Variants in DYNC2H1 observed in about 807,000 individuals in gnomAD.
DYNC2H1 encodes cytoplasmic dynein 2 heavy chain 1.
Under a neutral mutation model 570.0 loss-of-function variants are expected in DYNC2H1, and 410 were observed. The ratio of observed to expected loss-of-function variants is 0.72; its 90% CI spans 0.66 to 0.78. The LOEUF (loss-of-function observed/expected upper bound fraction) is 0.78, where lower values mean the gene tolerates loss of function less well. DYNC2H1 is among the 30% of genes least tolerant of loss of function. The probability of loss-of-function intolerance (pLI) is 0.00; values close to 1 mark genes in which losing one functional copy is unlikely to be tolerated. For missense variants in DYNC2H1, 4,865 were observed against 5,046.4 expected (o/e 0.96, Z 1.09); for synonymous variants, 1,688 against 1,677.6 (o/e 1.01, Z -0.15).
chr11:103,395,739 C>A lies in DYNC2H1; in HGVS notation c.12157-3924C>A, dbSNP rs1330960976. 6.6e-6 allele frequency among the ~76,000 whole-genome samples: 1 copy of A among 152,134 alleles called. No individual in the cohort carries two copies. The stretch of plus-strand genomic sequence containing the variant: ...TGTGGTCAAGAGAATGGAACGCTCT[C>A]ATTAGTTAAGCCCCAATTCAAGTTG... On this transcript the variant is annotated intron_variant, in intron 83 of 88. Transcript: ENST00000375735. The surrounding 1 kb of genome is among the most constrained non-coding windows in gnomAD (Gnocchi z 4.3).
chr11:103,163,171 C>T lies in DYNC2H1; in HGVS notation c.4611+24C>T. The T allele has an allele frequency of 6.2e-7, 1 of 1,601,636 alleles. No homozygotes were observed. Among genetic ancestry groups the T allele is most frequent in the Non-Finnish European group, 8.5e-7 (1 of 1,173,570 alleles). On this transcript the variant is annotated intron_variant, in intron 30 of 88. Coordinates refer to ENST00000375735, the MANE Select transcript of DYNC2H1 (RefSeq NM_001377.3). The surrounding 1 kb of genome is among the most constrained non-coding windows in gnomAD (Gnocchi z 4.6). ...AGGTAAGGGGGCTTACGTGTAGAAG[C>T]TACATAGGCATGGAACGTGGAAAGA...
chr11:103,181,662 G>A lies in DYNC2H1; in HGVS notation c.6348-95G>A, dbSNP rs539553697. On this transcript the variant is annotated intron_variant, in intron 39 of 88. Coordinates refer to ENST00000375735, the MANE Select transcript of DYNC2H1 (RefSeq NM_001377.3). This position sits in a 1 kb window ranked among gnomAD's most constrained non-coding sequence, Gnocchi z 5.0. The stretch of plus-strand genomic sequence containing the variant: ...TTTTGTATGCTAGCAGACAAAATAT[G>A]TGCGTAGAATAATGTTTATTGGAGA... The A allele has an allele frequency of 4.1e-5, 54 of 1,309,052 alleles. No homozygotes were observed. The African/African-American group carries it at 7.9e-4, about 19-fold the overall frequency. The allele number at this position is 1,309,052 out of a possible 1,614,324, so 81.1% of individuals were successfully genotyped here.
At chr11:103,246,518 C>G (rs940664786) in intron 65 of DYNC2H1, among the ~76,000 whole-genome samples, 14 of 152,086 alleles carry the variant, frequency 9.2e-5, no homozygotes, top group Admixed American at 3.3e-4. Context: ...GATTGGTTCA[C>G]ATTTTGAACT....
intron 19 of DYNC2H1, among the ~76,000 whole-genome samples, 189 bp downstream of exon 19, chr11:103,148,076 G>T (rs1165624545): frequency 6.6e-6 from 1 of 152,088 alleles, no homozygotes; most frequent in African/African-American, 2.4e-5. Context: ...TGCAGTCTGA[G>T]CTAGTATTAG....
At chr11:103,422,490 C>T (rs183688233) in intron 84 of DYNC2H1, among the ~76,000 whole-genome samples, 26 of 152,178 alleles carry the variant, frequency 1.7e-4, no homozygotes, top group Admixed American at 1.2e-3. Flanking sequence ...GCTTATCCAC[C>T]GTGATCAAGT....
intron 84 of DYNC2H1, among the ~76,000 whole-genome samples, chr11:103,412,431 C>T (rs1943125704): frequency 1.3e-5 from 2 of 152,092 alleles, no homozygotes; most frequent in African/African-American, 4.8e-5. Flanking sequence ...GACTTTAAAA[C>T]ATAATTTAAA....
chr11:103,132,649 G>T lies in DYNC2H1; in HGVS notation c.1954-906G>T, dbSNP rs540164293. On this transcript the variant is annotated intron_variant, in intron 13 of 88. Transcript: ENST00000375735. ...CAGTCTCTTTGCTGAGAGGGTTGGGGGTGTGTGTGTGTGTGTGTGTGTGTG... is the reference window on the plus strand; with the variant it reads ...CAGTCTCTTTGCTGAGAGGGTTGGGTGTGTGTGTGTGTGTGTGTGTGTGTG... Among the ~76,000 whole-genome samples the T allele has an allele frequency of 4.0e-3, 596 of 148,802 alleles. 1 individual carries two copies. The highest frequency in any genetic ancestry group is 6.2e-3 in the South Asian group (29 of 4,664).
In DYNC2H1 at chr11:103,369,691, A is replaced by G. The variant is rs140683086; in HGVS notation, c.12156+11332A>G. Among the ~76,000 whole-genome samples, 173 of 152,346 alleles carry G rather than the reference A, an allele frequency of 1.1e-3. No individual in the cohort carries two copies. Among genetic ancestry groups the G allele is most frequent in the African/African-American group, 4.0e-3 (165 of 41,578 alleles). On this transcript the variant is annotated intron_variant, in intron 83 of 88. Transcript: ENST00000375735. This position sits in a 1 kb window ranked among gnomAD's most constrained non-coding sequence, Gnocchi z 4.0. ...TTTTCTAGGCCCTAGCTCCCGGGCA[A>G]CATTCGTAGACACTCACTGCATCAG... is the stretch of plus-strand genomic sequence containing the variant.
At chr11:103,231,668 A>G (rs1236773994) in intron 60 of DYNC2H1, among the ~76,000 whole-genome samples, 6 of 152,032 alleles carry the variant, frequency 3.9e-5, no homozygotes, top group Admixed American at 3.9e-4. Context: ...GGAATTATAA[A>G]TGTTAGAACA....
intron 20 of DYNC2H1, among the ~76,000 whole-genome samples, chr11:103,150,792 C>T (rs1478490031): frequency 1.3e-5 from 2 of 152,016 alleles, no homozygotes; most frequent in Non-Finnish European, 2.9e-5. Context: ...GGAGGAAAGA[C>T]AAGAGATTGT....
In DYNC2H1 at chr11:103,199,872, G is replaced by A. The variant is rs1215717377; in HGVS notation, c.8089-174G>A. Among the ~76,000 whole-genome samples the A allele has an allele frequency of 6.6e-6, 1 of 151,938 alleles. No individual in the cohort carries two copies. The highest frequency in any genetic ancestry group is 1.5e-5 in the Non-Finnish European group (1 of 67,962). On this transcript the variant is annotated intron_variant, in intron 49 of 88. Transcript: ENST00000375735. The surrounding 1 kb of genome is among the most constrained non-coding windows in gnomAD (Gnocchi z 4.6). ...AATAATTAGTATTTACTTAGGGGTT[G>A]GATTTACTTTCCAAATTATGTGGCT...
At chr11:103,413,680 A>G (rs1943173719) in intron 84 of DYNC2H1, among the ~76,000 whole-genome samples, 1 of 152,188 alleles carries the variant, frequency 6.6e-6, no homozygotes, top group South Asian at 2.1e-4. Flanking sequence ...TCAAAGGCCT[A>G]TCAAATACTG....
chr11:103,418,736 C>T (rs773928940), intron 84 of DYNC2H1, among the ~76,000 whole-genome samples: 28 of 152,264 alleles, frequency 1.8e-4, no homozygotes, highest in Non-Finnish European at 4.0e-4. Context: ...GGCATGGAGC[C>T]AAAGGAACCC....
At chr11:103,470,777 G>A (rs4754941) in intron 88 of DYNC2H1, among the ~76,000 whole-genome samples, 27,859 of 152,128 alleles carry the variant, frequency 0.18, 2,689 homozygotes, top group Admixed American at 0.26. Flanking sequence ...AGCATTCCAT[G>A]GTGTATATGT....
chr11:103,131,050 A>G (rs1056719677), intron 13 of DYNC2H1, among the ~76,000 whole-genome samples: 1 of 152,340 alleles, frequency 6.6e-6, no homozygotes, highest in Non-Finnish European at 1.5e-5. Context: ...TTTATTGAGC[A>G]TCTCCTATAT....
At chr11:103,255,313 A>G (rs1007195939) in intron 66 of DYNC2H1, 102 bp from the exon 67 acceptor site, 17 of 1,247,112 alleles carry the variant, frequency 1.4e-5, no homozygotes, top group Middle Eastern at 2.0e-4. Context: ...ACATAGTATC[A>G]TATTTGTAAT....
chr11:103,319,078 AG>A lies in DYNC2H1; in HGVS notation c.11726-1949del, dbSNP rs564938908. On this transcript the variant is annotated intron_variant, in intron 80 of 88. Transcript: ENST00000375735. This position sits in a 1 kb window ranked among gnomAD's most constrained non-coding sequence, Gnocchi z 4.3. Reference sequence around the variant, plus strand: ...ATTTGACTTTTATAATACCACTATGAGGCTATTAGTGTTAGTGCCTTTTCAC... The same window carrying A: ...ATTTGACTTTTATAATACCACTATGAGCTATTAGTGTTAGTGCCTTTTCAC... Among the ~76,000 whole-genome samples the A allele has an allele frequency of 4.7e-4, 71 of 152,248 alleles. No homozygotes were observed. The highest frequency in any genetic ancestry group is 2.0e-3 in the Admixed American group (31 of 15,296).
chr11:103,418,181 A>G (rs1943356554), intron 84 of DYNC2H1, among the ~76,000 whole-genome samples: 1 of 148,956 alleles, frequency 6.7e-6, no homozygotes, highest in Non-Finnish European at 1.5e-5. Flanking sequence ...TAGTAAAAAT[A>G]TTAAGAAAAA....
At position 103,244,832 on chromosome 11, in the gene DYNC2H1, A is replaced by C. The variant is rs1301867108; in HGVS notation, c.9919-419A>C. 2.0e-5 allele frequency among the ~76,000 whole-genome samples: 3 copies of C among 150,628 alleles called. No individual in the cohort carries two copies. Among genetic ancestry groups the C allele is most frequent in the Admixed American group, 1.3e-4 (2 of 15,008 alleles). On this transcript the variant is annotated intron_variant, in intron 64 of 88. Coordinates refer to ENST00000375735, the MANE Select transcript of DYNC2H1 (RefSeq NM_001377.3). This position sits in a 1 kb window ranked among gnomAD's most constrained non-coding sequence, Gnocchi z 4.3. ...GTTATAGACATATAAGTAACTATATAGTTACTTTTATATATATGTACACAC... is the reference window on the plus strand; with the variant it reads ...GTTATAGACATATAAGTAACTATATCGTTACTTTTATATATATGTACACAC...
Sources: allele counts gnomAD v4.1 joint callset (sites outside exome capture counted in the v4.1 genomes callset), GRCh38; gene constraint gnomAD v4.1.1; non-coding constraint Gnocchi (gnomAD v3.1); transcripts MANE v1.5; gene names NCBI Gene and HGNC (gene_info 2026-07-23, HGNC 2026-07-21).